SLC1A1: variants seen among roughly 807,000 people sequenced by gnomAD.
SLC1A1 encodes solute carrier family 1 member 1.
In SLC1A1, 43 loss-of-function variants were observed where a neutral mutation model predicts 53.3. That is an observed-to-expected ratio of 0.81 (90% CI 0.63 to 1.04). The LOEUF is 1.04. Ranked by LOEUF, SLC1A1 falls within the 50% of genes least tolerant of loss-of-function variation. The pLI, the probability that SLC1A1 is intolerant of heterozygous loss-of-function variation, is 0.00. For synonymous variants in SLC1A1, 307 were observed against 243.2 expected (o/e 1.26, Z -2.44); for missense variants, 748 against 664.9 (o/e 1.12, Z -1.37).
chr9:4,496,869 G>A (rs1820444172), intron 1 of SLC1A1, among the ~76,000 whole-genome samples: 1 of 152,120 alleles, frequency 6.6e-6, no homozygotes, highest in Admixed American at 6.6e-5. Context: ...GTACACTCCA[G>A]CTGAGGTGAC....
chr9:4,531,886 T>G (rs763984754), intron 1 of SLC1A1, among the ~76,000 whole-genome samples: 1 of 152,136 alleles, frequency 6.6e-6, no homozygotes, highest in African/African-American at 2.4e-5. Context: ...GGAAGCAACA[T>G]CTGCTGTTCA....
At chr9:4,540,208 G>C (rs967804704) in intron 1 of SLC1A1, among the ~76,000 whole-genome samples, 1 of 152,020 alleles carries the variant, frequency 6.6e-6, no homozygotes, top group Non-Finnish European at 1.5e-5. Context: ...GTCTGGCCAG[G>C]GATGGCCAGA....
At chr9:4,554,682 G>C (rs547223373) in intron 2 of SLC1A1, among the ~76,000 whole-genome samples, 1 of 152,190 alleles carries the variant, frequency 6.6e-6, no homozygotes, top group Non-Finnish European at 1.5e-5. Flanking sequence ...GAGGCAGGCA[G>C]GTGCCTCCCC....
intron 2 of SLC1A1, among the ~76,000 whole-genome samples, chr9:4,555,649 C>T (rs969951795): frequency 6.6e-6 from 1 of 152,170 alleles, no homozygotes; most frequent in African/African-American, 2.4e-5. Flanking sequence ...GTTTCTAGGC[C>T]ACAGCCGAGC....
chr9:4,532,406 C>T (rs913557598), intron 1 of SLC1A1, among the ~76,000 whole-genome samples: 51 of 152,128 alleles, frequency 3.4e-4, no homozygotes, highest in African/African-American at 1.2e-3. Context: ...ACGAGAACTA[C>T]GTGACAAATG....
intron 1 of SLC1A1, among the ~76,000 whole-genome samples, chr9:4,500,210 G>A (rs574568319): frequency 1.5e-3 from 223 of 152,242 alleles, no homozygotes; most frequent in Middle Eastern, 3.4e-3. Flanking sequence ...AAGCACTCTC[G>A]AAGAAAATGA....
chr9:4,552,576 G>C (rs1015941748), intron 2 of SLC1A1, among the ~76,000 whole-genome samples: 1 of 152,022 alleles, frequency 6.6e-6, no homozygotes, highest in South Asian at 2.1e-4. Flanking sequence ...GGCGAGGGAA[G>C]CAATTCTAGC....
chr9:4,499,310 G>T (rs2130797272), intron 1 of SLC1A1, among the ~76,000 whole-genome samples: 1 of 152,142 alleles, frequency 6.6e-6, no homozygotes, highest in East Asian at 1.9e-4. Flanking sequence ...CTCCCAAAGT[G>T]CTGGGATTAC....
intron 10 of SLC1A1, among the ~76,000 whole-genome samples, chr9:4,582,500 A>G (rs1289714355): frequency 6.6e-6 from 1 of 152,190 alleles, no homozygotes; most frequent in African/African-American, 2.4e-5. Flanking sequence ...CTTCACCTGA[A>G]ATGCCCTTGC....
At chr9:4,569,724 C>T (rs1819846603) in intron 6 of SLC1A1, among the ~76,000 whole-genome samples, 1 of 152,196 alleles carries the variant, frequency 6.6e-6, no homozygotes, top group South Asian at 2.1e-4. Flanking sequence ...CATGACCTGG[C>T]TTCTCTCTAG....
chr9:4,536,427 C>T (rs190954905), intron 1 of SLC1A1, among the ~76,000 whole-genome samples: 28 of 152,128 alleles, frequency 1.8e-4, no homozygotes, highest in Admixed American at 5.9e-4. Flanking sequence ...ATGCAGCCAA[C>T]AGACACATGA....
At chr9:4,491,100 T>C (rs1563987922) in intron 1 of SLC1A1, among the ~76,000 whole-genome samples, 1 of 152,204 alleles carries the variant, frequency 6.6e-6, no homozygotes, top group Non-Finnish European at 1.5e-5. Flanking sequence ...TTCGATTTTT[T>C]TCTTTGTTAA....
At chr9:4,568,563 A>G (rs920245448) in intron 6 of SLC1A1, among the ~76,000 whole-genome samples, 1 of 151,928 alleles carries the variant, frequency 6.6e-6, no homozygotes, top group Non-Finnish European at 1.5e-5. Context: ...TGCACAAAAC[A>G]TTTTAATATT....
intron 1 of SLC1A1, among the ~76,000 whole-genome samples, chr9:4,523,287 T>A (rs7851538): frequency 0.45 from 67,966 of 151,940 alleles, 15,851 homozygotes; most frequent in Non-Finnish European, 0.51. Context: ...AGTAAATATT[T>A]GCAGAATTTA....
At chr9:4,565,864 A>C (rs1346742059) in intron 4 of SLC1A1, among the ~76,000 whole-genome samples, 183 bp from the exon 5 acceptor site, 2 of 152,228 alleles carry the variant, frequency 1.3e-5, no homozygotes, top group Non-Finnish European at 2.9e-5. Context: ...AGAGCTTTCT[A>C]TACTTGGGTG....
intron 1 of SLC1A1, among the ~76,000 whole-genome samples, chr9:4,502,465 T>C (rs1820670045): frequency 6.7e-6 from 1 of 149,918 alleles, no homozygotes; most frequent in South Asian, 2.1e-4. Flanking sequence ...TGACATATTT[T>C]CTCCCTTGAA....
rs540690470 is a variant in SLC1A1 at position 4,564,246 on chromosome 9, T to C, written c.326-98T>C. 1.5e-5 allele frequency: 13 copies of C among 840,504 alleles called. No homozygotes were observed. In the Admixed American group the frequency reaches 1.8e-4, roughly 12 times the overall value. 52.1% of individuals were successfully genotyped at this position (840,504 alleles called of 1,614,324 possible). On this transcript the variant is annotated intron_variant, in intron 3 of 11. Transcript: ENST00000262352. ...CCTCAGGGTCCTCCCCATCACACTA[T>C]TGCCTGGTACAACCATGCCCATTGT...
At chr9:4,569,245 CAGACTTTAGAA>C (rs1273930540) in intron 6 of SLC1A1, among the ~76,000 whole-genome samples, 1 of 152,188 alleles carries the variant, frequency 6.6e-6, no homozygotes, top group Non-Finnish European at 1.5e-5. Flanking sequence ...CAGAGTTTCT[CAGACTTTAGAA>C]AGGCCATGTG....
At chr9:4,497,392 G>A (rs923431561) in intron 1 of SLC1A1, among the ~76,000 whole-genome samples, 1 of 152,082 alleles carries the variant, frequency 6.6e-6, no homozygotes, top group Non-Finnish European at 1.5e-5. Context: ...TGATGTTTCT[G>A]CCTCCCTCAC....
Sources: allele counts gnomAD v4.1 joint callset (sites outside exome capture counted in the v4.1 genomes callset), GRCh38; gene constraint gnomAD v4.1.1; transcripts MANE v1.5; gene names NCBI Gene and HGNC (gene_info 2026-07-23, HGNC 2026-07-21).